The following ARSB variants were observed in gnomAD, a reference collection of about 807,000 sequenced individuals.
ARSB encodes N-acetylgalactosamine-4-sulfatase.
ARSB carries 41 observed loss-of-function variants against 50.9 expected under a neutral mutation model. That is an observed-to-expected ratio of 0.81 (90% CI 0.63 to 1.04). The LOEUF (loss-of-function observed/expected upper bound fraction) is 1.04, where lower values mean the gene tolerates loss of function less well. Ranked by LOEUF, ARSB falls within the 50% of genes least tolerant of loss-of-function variation. ARSB has a pLI of 0.00. For missense variants in ARSB, 672 were observed against 693.3 expected, an observed-to-expected ratio of 0.97 and a Z score of 0.35; for synonymous variants, 269 against 284.8, an observed-to-expected ratio of 0.94 and a Z score of 0.56.
intron 3 of ARSB, among the ~76,000 whole-genome samples, chr5:78,960,679 C>T (rs942304536): frequency 3.3e-5 from 5 of 152,194 alleles, no homozygotes; most frequent in Non-Finnish European, 5.9e-5. Context: ...ATTCTCCTGC[C>T]TCAGCCTCCT....
At chr5:78,929,007 G>A (rs1013088863) in intron 4 of ARSB, among the ~76,000 whole-genome samples, 5 of 152,108 alleles carry the variant, frequency 3.3e-5, no homozygotes, top group Middle Eastern at 3.4e-3. Context: ...CCTGCTCTCC[G>A]TGTCCATTGC....
At chr5:78,868,978 C>A (rs1746967322) in intron 5 of ARSB, among the ~76,000 whole-genome samples, 1 of 151,326 alleles carries the variant, frequency 6.6e-6, no homozygotes, top group African/African-American at 2.4e-5. Flanking sequence ...ATCTACCAAG[C>A]AAATGGAAAA....
chr5:78,939,045 T>C (rs1394462282), intron 4 of ARSB, among the ~76,000 whole-genome samples: 1 of 152,206 alleles, frequency 6.6e-6, no homozygotes, highest in Non-Finnish European at 1.5e-5. Flanking sequence ...CTCCGTCTCA[T>C]GTGTACTATG....
At chr5:78,941,257 C>T (rs1750906787) in intron 4 of ARSB, among the ~76,000 whole-genome samples, 2 of 151,128 alleles carry the variant, frequency 1.3e-5, no homozygotes, top group South Asian at 4.2e-4. Context: ...TCCTCTTTTC[C>T]TAATTGAATG....
At chr5:78,823,284 A>G (rs1349999037) in intron 6 of ARSB, among the ~76,000 whole-genome samples, 1 of 152,174 alleles carries the variant, frequency 6.6e-6, no homozygotes, top group Non-Finnish European at 1.5e-5. Context: ...TAACTGACCA[A>G]TGGGTGTCCC....
At chr5:78,841,141 C>CTAT (rs1745180257) in intron 5 of ARSB, among the ~76,000 whole-genome samples, 1 of 97,436 alleles carries the variant, frequency 1.0e-5, no homozygotes, top group East Asian at 2.1e-4. Context: ...TGTACTACTA[C>CTAT]TACTACTACT....
At chr5:78,876,234 A>G (rs1747473238) in intron 5 of ARSB, among the ~76,000 whole-genome samples, 1 of 152,178 alleles carries the variant, frequency 6.6e-6, no homozygotes, top group Non-Finnish European at 1.5e-5. Context: ...AAGAAGAGTT[A>G]TAAGATTTAA....
intron 5 of ARSB, among the ~76,000 whole-genome samples, chr5:78,853,402 A>C (rs1745949812): frequency 1.3e-5 from 2 of 152,156 alleles, no homozygotes; most frequent in Admixed American, 6.5e-5. Context: ...CTGCTGTCTG[A>C]TCATTCCTCT....
intron 5 of ARSB, among the ~76,000 whole-genome samples, chr5:78,873,635 A>G (rs895697959): frequency 6.7e-6 from 1 of 148,676 alleles, no homozygotes; most frequent in Non-Finnish European, 1.5e-5. Flanking sequence ...AGCTGGGACT[A>G]CAGGCGCCCG....
intron 5 of ARSB, chr5:78,885,195 T>A: frequency 3.8e-6 from 1 of 261,490 alleles, no homozygotes; most frequent in Non-Finnish European, 7.2e-6. Flanking sequence ...AATAAACATA[T>A]CCCTAGTTCC....
chr5:78,932,767 G>C (rs914779299), intron 4 of ARSB, among the ~76,000 whole-genome samples: 4 of 152,196 alleles, frequency 2.6e-5, no homozygotes, highest in Admixed American at 2.6e-4. Flanking sequence ...CTAGGTTACA[G>C]GAAGTACTCA....
chr5:78,825,489 C>T (rs561144897), intron 6 of ARSB, among the ~76,000 whole-genome samples: 4 of 152,228 alleles, frequency 2.6e-5, no homozygotes, highest in South Asian at 4.1e-4. Context: ...GGTTTAGATT[C>T]CTTTTCAGTC....
chr5:78,804,515 A>C (rs1743497712), intron 6 of ARSB, among the ~76,000 whole-genome samples: 1 of 152,250 alleles, frequency 6.6e-6, no homozygotes, highest in East Asian at 1.9e-4. Context: ...CTTATCAAGC[A>C]GGGTGAAAAC....
At chr5:78,905,168 A>G (rs1748994983) in intron 4 of ARSB, among the ~76,000 whole-genome samples, 1 of 152,046 alleles carries the variant, frequency 6.6e-6, no homozygotes, top group Non-Finnish European at 1.5e-5. Flanking sequence ...TTTCACTGCT[A>G]TTTTTCCATT....
chr5:78,866,645 T>A (rs1325722282), intron 5 of ARSB, among the ~76,000 whole-genome samples: 1 of 151,540 alleles, frequency 6.6e-6, no homozygotes, highest in Non-Finnish European at 1.5e-5. Context: ...AGGACGAGAG[T>A]GGCTGCCTTG....
At chr5:78,944,651 A>C (rs1751125781) in intron 4 of ARSB, among the ~76,000 whole-genome samples, 1 of 152,178 alleles carries the variant, frequency 6.6e-6, no homozygotes, top group Non-Finnish European at 1.5e-5. Context: ...TTTGTCTCAG[A>C]GGGTTACCCG....
At chr5:78,814,995 C>T (rs567488500) in intron 6 of ARSB, among the ~76,000 whole-genome samples, 2 of 146,076 alleles carry the variant, frequency 1.4e-5, no homozygotes, top group South Asian at 4.4e-4. Flanking sequence ...TATAAGGGCA[C>T]ACAAAGTAAA....
intron 6 of ARSB, among the ~76,000 whole-genome samples, chr5:78,806,832 G>A (rs1743584642): frequency 6.6e-6 from 1 of 152,202 alleles, no homozygotes; most frequent in Non-Finnish European, 1.5e-5. Context: ...GTGCCATGTG[G>A]ACAGGAAGCT....
intron 4 of ARSB, among the ~76,000 whole-genome samples, chr5:78,888,512 C>T (rs747024211): frequency 6.6e-6 from 1 of 152,228 alleles, no homozygotes; most frequent in African/African-American, 2.4e-5. Context: ...GTGATGCTGG[C>T]TCAATACTTT....
Sources: allele counts gnomAD v4.1 joint callset (sites outside exome capture counted in the v4.1 genomes callset), GRCh38; gene constraint gnomAD v4.1.1; transcripts MANE v1.5; gene names NCBI Gene and HGNC (gene_info 2026-07-23, HGNC 2026-07-21).